The following MYO5B variants were observed in gnomAD, a reference collection of about 807,000 sequenced individuals.
MYO5B encodes the protein unconventional myosin-Vb.
In MYO5B, 143 loss-of-function variants were observed where a neutral mutation model predicts 229.3. That is an observed-to-expected ratio of 0.62 (90% CI 0.54 to 0.72). The LOEUF is 0.72. MYO5B is among the 30% of genes least tolerant of loss of function. The pLI is 0.00. For missense variants in MYO5B, 2,321 were observed against 2,331.0 expected (o/e 1.00, Z 0.09); for synonymous variants, 918 against 885.2 (o/e 1.04, Z -0.66).
In MYO5B at chr18:50,194,738, C is replaced by T. The variant is rs998447936; in HGVS notation, c.27+29G>A. Reference sequence around the variant, plus strand: ...GGCCCCGAGCGCGCCACCCCGGCCCCGGGGCGCCTCCCTCGCGGCCGCGCT... The same window carrying T: ...GGCCCCGAGCGCGCCACCCCGGCCCTGGGGCGCCTCCCTCGCGGCCGCGCT... On this transcript the variant is annotated intron_variant, in intron 1 of 39. Coordinates refer to ENST00000285039, the MANE Select transcript of MYO5B (RefSeq NM_001080467.3). The T allele has an allele frequency of 5.5e-6, 8 of 1,459,324 alleles. No homozygotes were observed. The African/African-American group carries it at 8.8e-5, about 16-fold the overall frequency. The allele number at this position is 1,459,324 out of a possible 1,614,324, so 90.4% of individuals were successfully genotyped here.
chr18:50,155,674 G>A (rs1006437213), intron 1 of MYO5B, among the ~76,000 whole-genome samples: 1 of 152,206 alleles, frequency 6.6e-6, no homozygotes, highest in Admixed American at 6.5e-5. Context: ...ATGCAAAAAG[G>A]AAGAGGAAAA....
chr18:50,009,876 C>T (rs756733135), intron 4 of MYO5B, among the ~76,000 whole-genome samples: 19 of 152,178 alleles, frequency 1.2e-4, no homozygotes, highest in Non-Finnish European at 2.5e-4. Flanking sequence ...AGGCAGGGCA[C>T]TTGTGTGAGG....
At chr18:50,043,482 A>T (rs1261106116) in intron 2 of MYO5B, among the ~76,000 whole-genome samples, 1 of 116,888 alleles carries the variant, frequency 8.6e-6, no homozygotes, top group Non-Finnish European at 1.6e-5. Context: ...TACATATATA[A>T]ATATATTTTT....
chr18:50,043,462 TG>T (rs2030114357), intron 2 of MYO5B, among the ~76,000 whole-genome samples: 2 of 85,268 alleles, frequency 2.3e-5, no homozygotes, highest in Admixed American at 2.7e-4. Flanking sequence ...TAAATATATT[TG>T]TATATATTTA....
At chr18:50,127,156 A>ATTGCTAGTTACATT (rs1303149469) in intron 1 of MYO5B, among the ~76,000 whole-genome samples, 6 of 152,172 alleles carry the variant, frequency 3.9e-5, no homozygotes, top group Non-Finnish European at 8.8e-5. Flanking sequence ...TGCTAGTTAG[A>ATTGCTAGTTACATT]GCCCCCTACT....
intron 1 of MYO5B, among the ~76,000 whole-genome samples, chr18:50,172,490 G>A (rs1295844746): frequency 2.6e-5 from 4 of 152,148 alleles, no homozygotes; most frequent in Admixed American, 6.5e-5. Flanking sequence ...AATTGGCCAA[G>A]CCCAGTATTC....
intron 39 of MYO5B, 22 bp from the exon 40 acceptor site, chr18:49,826,645 T>C: frequency 6.2e-7 from 1 of 1,612,042 alleles, no homozygotes; most frequent in Non-Finnish European, 8.5e-7. Flanking sequence ...AATAAGACCA[T>C]GTAAAGTTTG....
At chr18:50,099,240 G>A (rs1159680428) in intron 1 of MYO5B, 1 of 152,138 alleles carries the variant, frequency 6.6e-6, no homozygotes, top group Non-Finnish European at 1.5e-5. Context: ...AAGAACAACT[G>A]ATACAATAAA....
chr18:49,847,777 C>T (rs969850671), intron 32 of MYO5B, among the ~76,000 whole-genome samples: 2 of 152,220 alleles, frequency 1.3e-5, no homozygotes, highest in Non-Finnish European at 2.9e-5. Flanking sequence ...GTGACACAGC[C>T]GCAGGGCAAA....
At chr18:49,855,800 A>G (rs2024255402) in intron 30 of MYO5B, among the ~76,000 whole-genome samples, 1 of 152,134 alleles carries the variant, frequency 6.6e-6, no homozygotes, top group Non-Finnish European at 1.5e-5. Flanking sequence ...CCAAGAAGAG[A>G]TGCTCTTGGT....
At chr18:50,009,786 C>G (rs938957070) in intron 4 of MYO5B, among the ~76,000 whole-genome samples, 4 of 152,188 alleles carry the variant, frequency 2.6e-5, no homozygotes, top group African/African-American at 9.6e-5. Flanking sequence ...CCGGAATGTT[C>G]CAAGCAAGAG....
intron 17 of MYO5B, 28 bp from the exon 18 acceptor site, chr18:49,912,201 T>A (rs1430792251): frequency 6.4e-7 from 1 of 1,561,756 alleles, no homozygotes; most frequent in East Asian, 2.2e-5. Context: ...GGGCATCAGG[T>A]GACACATCCT....
At chr18:50,105,515 C>T (rs1013941365) in intron 1 of MYO5B, among the ~76,000 whole-genome samples, 92 of 152,294 alleles carry the variant, frequency 6.0e-4, no homozygotes, top group African/African-American at 2.1e-3. Context: ...TCCTTAAGTT[C>T]CGTACTTCAT....
intron 1 of MYO5B, among the ~76,000 whole-genome samples, chr18:50,164,997 C>A (rs2032822734): frequency 6.6e-6 from 1 of 152,210 alleles, no homozygotes; most frequent in South Asian, 2.1e-4. Flanking sequence ...GAGTTCGCAG[C>A]TTATTTGGTA....
chr18:49,837,448 G>A, intron 37 of MYO5B, 69 bp downstream of exon 37: 2 of 1,564,754 alleles, frequency 1.3e-6, no homozygotes, highest in Non-Finnish European at 8.8e-7. Context: ...GCAGTCTTGT[G>A]TTCTGATTCT....
In MYO5B at chr18:50,058,616, G is replaced by A. The variant is rs540961814; in HGVS notation, c.28-3238C>T. Among the ~76,000 whole-genome samples, 3 of 152,268 alleles carry A rather than the reference G, an allele frequency of 2.0e-5. No individual in the cohort carries two copies. The East Asian group carries it at 5.8e-4, about 29-fold the overall frequency. On this transcript the variant is annotated intron_variant, in intron 1 of 39. Coordinates refer to ENST00000285039, the MANE Select transcript of MYO5B (RefSeq NM_001080467.3). ...ATTTGAGGTCAGGAGTTCGAAACCA[G>A]CCTGGCCAACATGGTAAAACCCTGT...
intron 1 of MYO5B, among the ~76,000 whole-genome samples, chr18:50,158,928 G>A (rs2032722987): frequency 6.6e-6 from 1 of 152,126 alleles, no homozygotes; most frequent in South Asian, 2.1e-4. Context: ...CTACGCCTGT[G>A]CTACCCTACA....
intron 4 of MYO5B, among the ~76,000 whole-genome samples, chr18:50,035,314 G>A (rs2026436379): frequency 6.6e-6 from 1 of 152,220 alleles, no homozygotes; most frequent in Non-Finnish European, 1.5e-5. Flanking sequence ...GACAGGACAA[G>A]TCTTAGAGCG....
chr18:49,990,661 C>A, intron 6 of MYO5B, 141 bp from the exon 7 acceptor site: 2 of 707,634 alleles, frequency 2.8e-6, no homozygotes, highest in South Asian at 3.0e-5. Context: ...CCTCTGCCAC[C>A]TTCAATTCCC....
Sources: allele counts gnomAD v4.1 joint callset (sites outside exome capture counted in the v4.1 genomes callset), GRCh38; gene constraint gnomAD v4.1.1; transcripts MANE v1.5; gene names NCBI Gene and HGNC (gene_info 2026-07-23, HGNC 2026-07-21).